Variants in FBXO33 observed in about 807,000 individuals in gnomAD.
The protein encoded by FBXO33 is F-box protein 33, also known as F-box only protein 33.
In FBXO33, 22 loss-of-function variants were observed where a neutral mutation model predicts 46.3. The observed-to-expected ratio is 0.48, with a 90% CI of 0.34 to 0.68. FBXO33 has a LOEUF of 0.68. FBXO33 is among the 30% of genes least tolerant of loss of function. FBXO33 has a pLI of 0.01. For missense variants in FBXO33, 692 were observed against 708.8 expected (o/e 0.98, Z 0.27); for synonymous variants, 337 against 291.3 (o/e 1.16, Z -1.60).
At chr14:39,426,866 GATTTT>G (rs2075517895) in intron 1 of FBXO33, among the ~76,000 whole-genome samples, 1 of 152,112 alleles carries the variant, frequency 6.6e-6, no homozygotes, top group African/African-American at 2.4e-5. Flanking sequence ...TTTATTTTCA[GATTTT>G]ATTTTCACAA....
chr14:39,401,645 G>A lies in FBXO33; in HGVS notation c.927C>T (p.His309=). 1 of 1,614,220 alleles carries A rather than the reference G, an allele frequency of 6.2e-7. No homozygotes were observed. Among genetic ancestry groups the A allele is most frequent in the Non-Finnish European group, 8.5e-7 (1 of 1,180,026 alleles). Residue 309 remains histidine, a synonymous_variant, in exon 3 of 4, where the codon CAC becomes CAT. Transcript: ENST00000298097. ...AGTCACAAAAATCCAAGGCAAGTGA[G>A]TGCAGATTCACAAATCGCTCCAGTT... ...AVELERFVNL[H]SLALDFCDFT...
intron 1 of FBXO33, among the ~76,000 whole-genome samples, chr14:39,404,574 C>A (rs1237750442): frequency 6.6e-6 from 1 of 151,968 alleles, no homozygotes; most frequent in Non-Finnish European, 1.5e-5. Context: ...GATCCACCCG[C>A]CTTGGCCTCC....
At chr14:39,415,762 G>C (rs932092648) in intron 1 of FBXO33, among the ~76,000 whole-genome samples, 23 of 152,084 alleles carry the variant, frequency 1.5e-4, no homozygotes, top group Non-Finnish European at 2.9e-4. Context: ...TGCCTCCTAG[G>C]TTCAAGTGAT....
intron 1 of FBXO33, among the ~76,000 whole-genome samples, chr14:39,428,403 T>G (rs933066116): frequency 6.6e-6 from 1 of 152,120 alleles, no homozygotes; most frequent in Non-Finnish European, 1.5e-5. Context: ...TTTTGCCATA[T>G]TGACCAGGCT....
In FBXO33 at chr14:39,432,333, A is replaced by G; in HGVS notation, c.-171T>C. The G allele has an allele frequency of 2.4e-6, 1 of 416,274 alleles. No individual in the cohort carries two copies. The highest frequency in any genetic ancestry group is 3.8e-6 in the Non-Finnish European group (1 of 264,118). The allele number at this position is 416,274 out of a possible 1,614,324, so 25.8% of individuals were successfully genotyped here. A position where few individuals can be genotyped will look rare whatever the true frequency, so the allele number is the denominator to read the frequency against. ...CGAGGCCGGCACACTGAGTAACTGCACTGCCCTCGCTCGTAAACTTCAGCG... is the reference window on the plus strand; with the variant it reads ...CGAGGCCGGCACACTGAGTAACTGCGCTGCCCTCGCTCGTAAACTTCAGCG... On this transcript the variant is annotated 5_prime_UTR_variant, in exon 1 of 4. Transcript: ENST00000298097.
In FBXO33 at chr14:39,421,303, CT is replaced by C. The variant is rs1021571380; in HGVS notation, c.599+10260del. 3.3e-5 allele frequency among the ~76,000 whole-genome samples: 5 copies of C among 152,122 alleles called. 1 individual carries two copies. Among genetic ancestry groups the C allele is most frequent in the East Asian group, 1.9e-4 (1 of 5,200 alleles). ...CCCAACTCTGGCCCTTATTTCTTCC[CT>C]TTTTTTGTTCACCTTAAGGAGTATA... On this transcript the variant is annotated intron_variant, in intron 1 of 3. Transcript: ENST00000298097.
chr14:39,419,710 T>C (rs2075471116), intron 1 of FBXO33, among the ~76,000 whole-genome samples: 1 of 152,218 alleles, frequency 6.6e-6, no homozygotes, highest in South Asian at 2.1e-4. Context: ...AATAGGGTTA[T>C]TTCCCGCAGA....
chr14:39,432,096 G>T lies in FBXO33; in HGVS notation c.67C>A (p.Arg23=). 8.1e-7 allele frequency: 1 copy of T among 1,241,932 alleles called. No individual in the cohort carries two copies. Among genetic ancestry groups the T allele is most frequent in the South Asian group, 3.8e-5 (1 of 26,348 alleles). 76.9% of individuals were successfully genotyped at this position (1,241,932 alleles called of 1,614,324 possible). ...PGARTRAGAA[R]VARWRRLRLQ... is the part of the protein sequence containing the mutation. ...CGCAGCCGCCGCCACCGCGCCACCC[G>T]GGCGGCCCCGGCTCGGGTTCGAGCT... The change falls in exon 1 of 4, where the codon CGG becomes AGG. Residue 23 remains arginine, a synonymous_variant. Transcript: ENST00000298097.
At chr14:39,426,064 C>T (rs965204227) in intron 1 of FBXO33, among the ~76,000 whole-genome samples, 6 of 152,070 alleles carry the variant, frequency 3.9e-5, no homozygotes, top group Non-Finnish European at 7.4e-5. Flanking sequence ...AGGTTACACA[C>T]AAAAGGTGTA....
Position 39,432,047 on chromosome 14 carries a change from CGCAGCCGTCGCAGCTGCT to C in FBXO33, c.98_115del (p.Gln33_Leu38del). 6 of 1,278,878 alleles carry C rather than the reference CGCAGCCGTCGCAGCTGCT, an allele frequency of 4.7e-6. No homozygotes were observed. Among genetic ancestry groups the C allele is most frequent in the Non-Finnish European group, 5.9e-6 (6 of 1,016,142 alleles). 79.2% of individuals were successfully genotyped at this position (1,278,878 alleles called of 1,614,324 possible). On this transcript the variant is annotated inframe_deletion, in exon 1 of 4. Coordinates refer to ENST00000298097, the MANE Select transcript of FBXO33 (RefSeq NM_203301.4). Reference sequence around the variant, plus strand: ...CCCCCGCAGTACCCGGAGCAGCCCCCGCAGCCGTCGCAGCTGCTGCAGCCGCAGCCGCCGCCACCGCGC... The same window carrying C: ...CCCCCGCAGTACCCGGAGCAGCCCCCGCAGCCGCAGCCGCCGCCACCGCGC...
Position 39,399,139 on chromosome 14 carries a change from T to C in FBXO33, c.*377A>G, listed in dbSNP as rs1355447113. ...ATATAAATCTACCAGGCTATGGATA[T>C]ATATCTATATATGTATAAAAATATT... On this transcript the variant is annotated 3_prime_UTR_variant, in exon 4 of 4. Transcript: ENST00000298097. 6.4e-6 allele frequency: 1 copy of C among 156,604 alleles called. No homozygotes were observed. Among genetic ancestry groups the C allele is most frequent in the Non-Finnish European group, 1.4e-5 (1 of 70,878 alleles). 9.7% of individuals were successfully genotyped at this position (156,604 alleles called of 1,614,324 possible). A position where few individuals can be genotyped will look rare whatever the true frequency, so the allele number is the denominator to read the frequency against.
At chr14:39,420,702 C>A (rs2075478901) in intron 1 of FBXO33, among the ~76,000 whole-genome samples, 1 of 151,756 alleles carries the variant, frequency 6.6e-6, no homozygotes, top group African/African-American at 2.4e-5. Flanking sequence ...AAAAAAAAAG[C>A]AAGCAAGCAG....
chr14:39,399,097 T>C lies in FBXO33; in HGVS notation c.*419A>G, dbSNP rs1174347128. The C allele has an allele frequency of 1.3e-5, 2 of 153,596 alleles. No homozygotes were observed. Among genetic ancestry groups the C allele is most frequent in the Non-Finnish European group, 2.9e-5 (2 of 68,754 alleles). The allele number at this position is 153,596 out of a possible 1,614,324, so 9.5% of individuals were successfully genotyped here. ...ATTAATGAAATGCTATCAGAATGCA[T>C]GGATGCAGTGCATTGCATATAAATC... On this transcript the variant is annotated 3_prime_UTR_variant, in exon 4 of 4. Coordinates refer to ENST00000298097, the MANE Select transcript of FBXO33 (RefSeq NM_203301.4).
At chr14:39,400,479 C>G (rs566460188) in intron 3 of FBXO33, among the ~76,000 whole-genome samples, 1 of 152,124 alleles carries the variant, frequency 6.6e-6, no homozygotes, top group African/African-American at 2.4e-5. Flanking sequence ...TTGATCTAGT[C>G]TTTTCTGCTA....
At chr14:39,414,817 A>G (rs577717464) in intron 1 of FBXO33, among the ~76,000 whole-genome samples, 3 of 152,240 alleles carry the variant, frequency 2.0e-5, no homozygotes, top group Admixed American at 2.0e-4. Flanking sequence ...GCACACCACT[A>G]TGCCCAGCTA....
intron 1 of FBXO33, among the ~76,000 whole-genome samples, chr14:39,418,591 A>C (rs1322424742): frequency 6.0e-5 from 9 of 150,244 alleles, no homozygotes; most frequent in Admixed American, 4.6e-4. Flanking sequence ...CTGGCTAACA[A>C]GGTGAAACCC....
chr14:39,432,156 A>G lies in FBXO33; in HGVS notation c.7T>C (p.Leu3=), dbSNP rs2075564548. The G allele has an allele frequency of 2.4e-6, 3 of 1,234,238 alleles. No individual in the cohort carries two copies. Among genetic ancestry groups the G allele is most frequent in the Non-Finnish European group, 3.0e-6 (3 of 988,048 alleles). The allele number at this position is 1,234,238 out of a possible 1,614,324, so 76.5% of individuals were successfully genotyped here. ...CGGGGCTGCGGCACTGACAAGAACA[A>G]CAACATCAATGACTAGGAAGAAGGG... ML[L]FLSVPQPRPP... is the part of the protein sequence containing the mutation. The change falls in exon 1 of 4, where the codon TTG becomes CTG. Residue 3 remains leucine, a synonymous_variant. Coordinates refer to ENST00000298097, the MANE Select transcript of FBXO33 (RefSeq NM_203301.4).
chr14:39,424,863 G>A (rs1181894176), intron 1 of FBXO33, among the ~76,000 whole-genome samples: 2 of 152,072 alleles, frequency 1.3e-5, no homozygotes, highest in African/African-American at 4.8e-5. Context: ...GACCATCCTG[G>A]CCAATATGGT....
chr14:39,420,195 T>C (rs779258865), intron 1 of FBXO33, among the ~76,000 whole-genome samples: 26 of 152,312 alleles, frequency 1.7e-4, no homozygotes, highest in Non-Finnish European at 8.8e-5. Flanking sequence ...ATCTGTGGGC[T>C]TATTAGATTC....
Sources: allele counts gnomAD v4.1 joint callset (sites outside exome capture counted in the v4.1 genomes callset), GRCh38; gene constraint gnomAD v4.1.1; transcripts MANE v1.5; gene names NCBI Gene and HGNC (gene_info 2026-07-23, HGNC 2026-07-21).